PTPRD: variants seen among roughly 807,000 people sequenced by gnomAD.
The protein encoded by PTPRD is receptor-type tyrosine-protein phosphatase delta.
A neutral mutation model predicts 214.5 loss-of-function variants in PTPRD; 34 were observed. That is an observed-to-expected ratio of 0.16 (90% CI 0.12 to 0.21). The LOEUF (loss-of-function observed/expected upper bound fraction) is 0.21, where lower values mean the gene tolerates loss of function less well. Ranked by LOEUF, PTPRD falls within the 10% of genes least tolerant of loss-of-function variation. The pLI, the probability that PTPRD is intolerant of heterozygous loss-of-function variation, is 1.00. For synonymous variants in PTPRD, 1,128 were observed against 845.7 expected (o/e 1.33, Z -5.79); for missense variants, 2,545 against 2,398.7 (o/e 1.06, Z -1.27).
chr9:10,509,579 A>ATATATATATATATATATATATATATT (rs1402201904), intron 2 of PTPRD, among the ~76,000 whole-genome samples: 8 of 131,240 alleles, frequency 6.1e-5, no homozygotes, highest in Non-Finnish European at 1.1e-4. Context: ...ATATATATAT[A>ATATATATATATATATATATATATATT]TTTTACTCAC....
chr9:9,294,699 G>C (rs1952404747), intron 9 of PTPRD, among the ~76,000 whole-genome samples: 1 of 151,492 alleles, frequency 6.6e-6, no homozygotes, highest in Admixed American at 6.6e-5. Flanking sequence ...AACTTACCTT[G>C]CTGACACCCT....
At chr9:10,494,014 T>A (rs984240349) in intron 2 of PTPRD, among the ~76,000 whole-genome samples, 6 of 151,952 alleles carry the variant, frequency 3.9e-5, no homozygotes, top group African/African-American at 7.2e-5. Flanking sequence ...AGCATAAATT[T>A]GTATACCAGA....
At chr9:8,422,161 A>G (rs1158905203) in intron 35 of PTPRD, among the ~76,000 whole-genome samples, 2 of 150,900 alleles carry the variant, frequency 1.3e-5, no homozygotes, top group Admixed American at 6.6e-5. Context: ...AAAAAAAAAA[A>G]AAAAAAAAAA....
At chr9:9,344,334 G>A (rs960493470) in intron 9 of PTPRD, among the ~76,000 whole-genome samples, 1 of 151,930 alleles carries the variant, frequency 6.6e-6, no homozygotes, top group Non-Finnish European at 1.5e-5. Context: ...CGGGGGTTTG[G>A]GGGGAAAGGG....
intron 10 of PTPRD, among the ~76,000 whole-genome samples, chr9:9,024,295 C>A: frequency 6.7e-6 from 1 of 148,352 alleles, no homozygotes; most frequent in South Asian, 2.1e-4. Flanking sequence ...ATGGATGAAA[C>A]ATAATTTGTT....
At chr9:8,604,551 T>A (rs1182435341) in intron 14 of PTPRD, among the ~76,000 whole-genome samples, 1 of 152,160 alleles carries the variant, frequency 6.6e-6, no homozygotes, top group East Asian at 1.9e-4. Context: ...GGTTTTCTCC[T>A]ATAGCCACTG....
chr9:9,866,590 A>G (rs2064014842), intron 5 of PTPRD, among the ~76,000 whole-genome samples: 1 of 152,182 alleles, frequency 6.6e-6, no homozygotes, highest in South Asian at 2.1e-4. Flanking sequence ...GGGGAATAAT[A>G]GTGAAAATAA....
chr9:9,739,698 T>G (rs2098368250), intron 6 of PTPRD, among the ~76,000 whole-genome samples: 1 of 152,030 alleles, frequency 6.6e-6, no homozygotes, highest in Non-Finnish European at 1.5e-5. Flanking sequence ...GATATAATAT[T>G]TTCCATTATA....
intron 3 of PTPRD, among the ~76,000 whole-genome samples, chr9:10,086,333 A>C (rs2098337473): frequency 6.6e-6 from 1 of 151,730 alleles, no homozygotes; most frequent in Non-Finnish European, 1.5e-5. Flanking sequence ...AGTGCCGTAA[A>C]ATTTATCAAC....
intron 2 of PTPRD, among the ~76,000 whole-genome samples, chr9:10,543,515 C>A (rs915841832): frequency 7.0e-6 from 1 of 143,326 alleles, no homozygotes; most frequent in Non-Finnish European, 1.6e-5. Flanking sequence ...CAAACACACA[C>A]ACACGTACAC....
At chr9:8,905,468 G>A (rs987685543) in intron 11 of PTPRD, among the ~76,000 whole-genome samples, 6 of 152,136 alleles carry the variant, frequency 3.9e-5, no homozygotes, top group South Asian at 2.1e-4. Context: ...GCCGGACGTC[G>A]TGGCTCACAT....
At chr9:10,423,276 T>G (rs963202167) in intron 2 of PTPRD, among the ~76,000 whole-genome samples, 1 of 151,550 alleles carries the variant, frequency 6.6e-6, no homozygotes, top group African/African-American at 2.4e-5. Context: ...GGACACAGGG[T>G]GGGGAACATC....
At chr9:9,339,346 C>G (rs2045864089) in intron 9 of PTPRD, among the ~76,000 whole-genome samples, 1 of 151,248 alleles carries the variant, frequency 6.6e-6, no homozygotes, top group African/African-American at 2.4e-5. Context: ...ATTAGCCAGG[C>G]ATGGTGGTGG....
chr9:8,969,662 G>C (rs1428260651), intron 11 of PTPRD, among the ~76,000 whole-genome samples: 1 of 151,816 alleles, frequency 6.6e-6, no homozygotes, highest in Non-Finnish European at 1.5e-5. Context: ...GAGAGAAATG[G>C]GAATGGGGAA....
intron 2 of PTPRD, among the ~76,000 whole-genome samples, chr9:10,492,255 A>G (rs2040535284): frequency 6.6e-6 from 1 of 152,176 alleles, no homozygotes; most frequent in African/African-American, 2.4e-5. Flanking sequence ...GTCAAATGGT[A>G]TTACTGGTTC....
chr9:8,733,869 G>C lies in PTPRD; in HGVS notation c.-26C>G, dbSNP rs192265997. On this transcript the variant is annotated 5_prime_UTR_variant, in exon 12 of 46. Transcript: ENST00000381196. ...CCTGCAGCTTGGCAGCAGCGTGCGCGAGCAGCTTGGAATCACTGCCTCCGG... is the reference window on the plus strand; with the variant it reads ...CCTGCAGCTTGGCAGCAGCGTGCGCCAGCAGCTTGGAATCACTGCCTCCGG... The C allele has an allele frequency of 6.5e-7, 1 of 1,548,932 alleles. No individual in the cohort carries two copies. The highest frequency in any genetic ancestry group is 8.7e-7 in the Non-Finnish European group (1 of 1,146,718).
chr9:8,408,732 T>C (rs2093265088), intron 35 of PTPRD, among the ~76,000 whole-genome samples: 1 of 152,086 alleles, frequency 6.6e-6, no homozygotes, highest in Non-Finnish European at 1.5e-5. Flanking sequence ...CCATTTTACA[T>C]TGCTTCCCTG....
chr9:9,156,162 G>A (rs1365619303), intron 10 of PTPRD, among the ~76,000 whole-genome samples: 1 of 152,070 alleles, frequency 6.6e-6, no homozygotes, highest in East Asian at 1.9e-4. Context: ...AAAGGGTTCT[G>A]AGAAAAGCAA....
chr9:10,286,239 T>G (rs1228186751), intron 3 of PTPRD, among the ~76,000 whole-genome samples: 1 of 152,018 alleles, frequency 6.6e-6, no homozygotes, highest in Non-Finnish European at 1.5e-5. Flanking sequence ...AAATATCTGA[T>G]GTCCCAGCCT....
Sources: allele counts gnomAD v4.1 joint callset (sites outside exome capture counted in the v4.1 genomes callset), GRCh38; gene constraint gnomAD v4.1.1; transcripts MANE v1.5; gene names NCBI Gene and HGNC (gene_info 2026-07-23, HGNC 2026-07-21).